The following HDAC9 variants were observed in gnomAD, a reference collection of about 807,000 sequenced individuals.
The protein encoded by HDAC9 is MEF-2 interacting transcription repressor (MITR) protein.
A neutral mutation model predicts 139.4 loss-of-function variants in HDAC9; 41 were observed. That is an observed-to-expected ratio of 0.29 (90% CI 0.23 to 0.38). The LOEUF is 0.38. HDAC9 is among the 10% of genes least tolerant of loss of function. The pLI, the probability that HDAC9 is intolerant of heterozygous loss-of-function variation, is 1.00. For missense variants in HDAC9, 1,147 were observed against 1,297.0 expected (o/e 0.88, Z 1.78); for synonymous variants, 517 against 476.2 (o/e 1.09, Z -1.12).
chr7:18,772,589 A>C (rs1790407222), intron 16 of HDAC9, among the ~76,000 whole-genome samples: 1 of 151,888 alleles, frequency 6.6e-6, no homozygotes, highest in Non-Finnish European at 1.5e-5. Flanking sequence ...CATTTCCTCC[A>C]CTGTTGCTAT....
intron 6 of HDAC9, among the ~76,000 whole-genome samples, chr7:18,600,851 G>A (rs917887279): frequency 1.3e-5 from 2 of 152,064 alleles, no homozygotes; most frequent in African/African-American, 4.8e-5. Flanking sequence ...TTGAGACAGG[G>A]TCTCACTCTG....
intron 2 of HDAC9, among the ~76,000 whole-genome samples, chr7:18,199,754 CAAAAAAA>C (rs59883693): frequency 1.8e-5 from 1 of 55,710 alleles, no homozygotes; most frequent in Non-Finnish European, 3.2e-5. Flanking sequence ...ATGTGTCTAC[CAAAAAAA>C]AAAAAAAAAA....
At chr7:18,659,686 G>T (rs1792514020) in intron 11 of HDAC9, among the ~76,000 whole-genome samples, 1 of 152,144 alleles carries the variant, frequency 6.6e-6, no homozygotes, top group Admixed American at 6.6e-5. Context: ...GAGAAGCTGT[G>T]CAGCTGCCCT....
chr7:18,538,162 G>A (rs1247132499), intron 2 of HDAC9, among the ~76,000 whole-genome samples: 2 of 152,152 alleles, frequency 1.3e-5, no homozygotes, highest in East Asian at 1.9e-4. Flanking sequence ...TTCTGGTCAT[G>A]CATTAACTTA....
intron 2 of HDAC9, among the ~76,000 whole-genome samples, chr7:18,515,078 T>C (rs1221959554): frequency 6.6e-6 from 1 of 152,210 alleles, no homozygotes. Context: ...AGTCATATGG[T>C]TAAAATTTAA....
intron 6 of HDAC9, among the ~76,000 whole-genome samples, chr7:18,605,693 T>C (rs937086986): frequency 1.3e-5 from 2 of 151,868 alleles, no homozygotes; most frequent in Non-Finnish European, 2.9e-5. Flanking sequence ...TGTTTGTTTG[T>C]TTTTTGAGAC....
intron 22 of HDAC9, among the ~76,000 whole-genome samples, chr7:18,920,137 T>A (rs933413139): frequency 6.6e-6 from 1 of 152,160 alleles, no homozygotes; most frequent in African/African-American, 2.4e-5. Context: ...TAGCATGGAA[T>A]GTTCTTCCAT....
rs866413417 is a variant in HDAC9 at position 18,208,459 on chromosome 7, A to G, written c.25+46110A>G. On this transcript the variant is annotated intron_variant, in intron 2 of 12. Transcript: ENST00000417496. ...ATGAACAAGGCTCAGGCAGCCTCCA[A>G]CTAACTCCTGGGCTCAAGTGATTCT... is the stretch of plus-strand genomic sequence containing the variant. Among the ~76,000 whole-genome samples the G allele has an allele frequency of 2.7e-5, 4 of 150,256 alleles. No individual in the cohort carries two copies. In the South Asian group the frequency reaches 6.3e-4, roughly 24 times the overall value.
At chr7:18,374,059 C>A (rs1288897453) in intron 1 of HDAC9, among the ~76,000 whole-genome samples, 1 of 151,530 alleles carries the variant, frequency 6.6e-6, no homozygotes, top group Non-Finnish European at 1.5e-5. Context: ...AGTTCCCTCT[C>A]GGATGTGTTT....
At chr7:18,290,779 C>A (rs900006431) in intron 1 of HDAC9, among the ~76,000 whole-genome samples, 2 of 152,072 alleles carry the variant, frequency 1.3e-5, no homozygotes, top group Admixed American at 6.6e-5. Context: ...GGAGAGGGTT[C>A]TTGAATTAGG....
In HDAC9 at chr7:18,881,471, G is replaced by C. The variant is rs536882004; in HGVS notation, c.2803+6875G>C. Among the ~76,000 whole-genome samples, 494 of 152,146 alleles carry C rather than the reference G, an allele frequency of 3.2e-3. 7 individuals are homozygous for C. Among genetic ancestry groups the C allele is most frequent in the African/African-American group, 0.011 (456 of 41,540 alleles). Reference sequence around the variant, plus strand: ...CACTTTTCCATTTCTTGTGTCCACAGAGTTGAATATAGATTGAGCCAGAAC... The same window carrying C: ...CACTTTTCCATTTCTTGTGTCCACACAGTTGAATATAGATTGAGCCAGAAC... On this transcript the variant is annotated intron_variant, in intron 22 of 25. Coordinates refer to ENST00000686413, the MANE Select transcript of HDAC9 (RefSeq NM_178425.4).
intron 13 of HDAC9, among the ~76,000 whole-genome samples, chr7:18,747,177 G>C (rs1035211437): frequency 2.0e-5 from 3 of 152,176 alleles, no homozygotes; most frequent in Non-Finnish European, 4.4e-5. Flanking sequence ...AAGCTGGAAA[G>C]ATGGGGAGGG....
chr7:18,922,522 T>C (rs374876239), intron 22 of HDAC9, among the ~76,000 whole-genome samples: 34 of 152,070 alleles, frequency 2.2e-4, no homozygotes, highest in African/African-American at 8.2e-4. Context: ...AGGAACTTAC[T>C]TTAAATGCAG....
intron 1 of HDAC9, chr7:18,458,993 C>A: frequency 1.1e-6 from 1 of 939,864 alleles, no homozygotes; most frequent in Non-Finnish European, 1.6e-6. Context: ...TTGGTCAAAG[C>A]TGCGGTCAGC....
intron 1 of HDAC9, among the ~76,000 whole-genome samples, chr7:18,394,448 C>G (rs1041826419): frequency 3.3e-5 from 5 of 152,088 alleles, no homozygotes; most frequent in African/African-American, 1.2e-4. Context: ...ACAAATGTTA[C>G]ACTTCCTAGG....
chr7:18,327,648 A>T (rs1800565661), intron 1 of HDAC9: 1 of 151,972 alleles, frequency 6.6e-6, no homozygotes. Flanking sequence ...GGCATAAATG[A>T]GAAAAAGCTA....
At chr7:18,207,539 C>CTTTTTTGTTTTTTTTTTTTT (rs1791616155) in intron 2 of HDAC9, among the ~76,000 whole-genome samples, 1 of 53,730 alleles carries the variant, frequency 1.9e-5, no homozygotes, top group Non-Finnish European at 3.1e-5. Flanking sequence ...CCCAAGGAGT[C>CTTTTTTGTTTTTTTTTTTTT]TTTTTTTTTT....
intron 2 of HDAC9, among the ~76,000 whole-genome samples, chr7:18,223,618 T>A (rs1476726963): frequency 3.3e-5 from 5 of 152,118 alleles, no homozygotes; most frequent in Non-Finnish European, 7.4e-5. Context: ...AAATCTCCTG[T>A]ATTGTAGCCA....
At chr7:18,692,149 A>G (rs1782716932) in intron 12 of HDAC9, among the ~76,000 whole-genome samples, 1 of 152,118 alleles carries the variant, frequency 6.6e-6, no homozygotes, top group African/African-American at 2.4e-5. Context: ...GGAATGAACC[A>G]TTACTCTTCT....
Sources: allele counts gnomAD v4.1 joint callset (sites outside exome capture counted in the v4.1 genomes callset), GRCh38; gene constraint gnomAD v4.1.1; transcripts MANE v1.5; gene names NCBI Gene and HGNC (gene_info 2026-07-23, HGNC 2026-07-21).